ZCCHC7: variants seen among roughly 807,000 people sequenced by gnomAD.
ZCCHC7 encodes the protein zinc finger CCHC-type containing 7, also known as zinc finger CCHC domain-containing protein 7.
Under a neutral mutation model 52.0 loss-of-function variants are expected in ZCCHC7, and 35 were observed. The observed-to-expected ratio is 0.67, with a 90% CI of 0.51 to 0.89. The LOEUF (loss-of-function observed/expected upper bound fraction) is 0.89. Among genes scored for constraint, ZCCHC7 ranks in the 40% least tolerant of loss-of-function variants. The pLI, the probability that ZCCHC7 is intolerant of heterozygous loss-of-function variation, is 0.00. For missense variants in ZCCHC7, 574 were observed against 649.1 expected (o/e 0.88, Z 1.26); for synonymous variants, 217 against 221.5 (o/e 0.98, Z 0.18).
intron 5 of ZCCHC7, chr9:37,327,438 A>G (rs2118160700): frequency 5.0e-6 from 1 of 199,530 alleles, no homozygotes; most frequent in African/African-American, 2.3e-5. Flanking sequence ...CAAAGTTCAA[A>G]ATGCTGTTTT....
At chr9:37,174,787 A>G (rs1821926768) in intron 2 of ZCCHC7, among the ~76,000 whole-genome samples, 1 of 152,128 alleles carries the variant, frequency 6.6e-6, no homozygotes, top group Admixed American at 6.5e-5. Context: ...ACTTTTACTA[A>G]GTGTCTTGCT....
At chr9:37,304,423 G>A (rs1219517423) in intron 4 of ZCCHC7, 110 bp downstream of exon 4, 4 of 1,320,770 alleles carry the variant, frequency 3.0e-6, no homozygotes, top group Non-Finnish European at 4.2e-6. Flanking sequence ...GGAAGCCGAG[G>A]CAGGTGGATC....
intron 6 of ZCCHC7, among the ~76,000 whole-genome samples, chr9:37,329,766 C>T (rs1257248376): frequency 2.0e-5 from 3 of 151,796 alleles, no homozygotes; most frequent in Non-Finnish European, 4.4e-5. Flanking sequence ...TTTTACTAGG[C>T]GATGGACTGC....
rs1238654882 is a variant in ZCCHC7, at chr9:37,357,256, A to G, written c.1620A>G (p.Lys540=). 2 of 1,593,208 alleles carry G rather than the reference A, an allele frequency of 1.3e-6. No individual in the cohort carries two copies. Among genetic ancestry groups the G allele is most frequent in the East Asian group, 4.5e-5 (2 of 44,760 alleles). ...NDNLFLIKQR[K]KKS Reference sequence around the variant, plus strand: ...ACTTATTTCTTATTAAGCAGAGAAAAAAAAAGTCTTAAGCCGTCAGGCAGC... The same window carrying G: ...ACTTATTTCTTATTAAGCAGAGAAAGAAAAAGTCTTAAGCCGTCAGGCAGC... Residue 540 remains lysine (K), a synonymous_variant, in exon 9 of 9, where the codon AAA becomes AAG. Transcript: ENST00000336755.
At chr9:37,264,722 TA>T (rs1276795177) in intron 2 of ZCCHC7, among the ~76,000 whole-genome samples, 1 of 152,238 alleles carries the variant, frequency 6.6e-6, no homozygotes, top group Non-Finnish European at 1.5e-5. Context: ...CACCATAAAT[TA>T]CAAGCAGTAA....
chr9:37,124,684 C>T (rs1842465974), intron 1 of ZCCHC7, among the ~76,000 whole-genome samples: 1 of 152,114 alleles, frequency 6.6e-6, no homozygotes, highest in Admixed American at 6.5e-5. Context: ...TGATTTTGAG[C>T]TGAGTTTAAA....
chr9:37,294,996 C>T (rs1362191829), intron 2 of ZCCHC7, among the ~76,000 whole-genome samples: 1 of 152,150 alleles, frequency 6.6e-6, no homozygotes, highest in East Asian at 1.9e-4. Context: ...TTAATTAATT[C>T]AGTAAATATG....
intron 2 of ZCCHC7, among the ~76,000 whole-genome samples, chr9:37,172,441 T>C (rs576057887): frequency 6.6e-6 from 1 of 152,370 alleles, no homozygotes; most frequent in South Asian, 2.1e-4. Context: ...TAGAAGGGAA[T>C]GTCATCTGGT....
intron 2 of ZCCHC7, among the ~76,000 whole-genome samples, chr9:37,264,002 C>T (rs1024814277): frequency 3.3e-5 from 5 of 152,296 alleles, no homozygotes; most frequent in Non-Finnish European, 5.9e-5. Context: ...CATGGATAAA[C>T]GAGTGCCCAA....
At chr9:37,197,712 A>C (rs1588465137) in intron 2 of ZCCHC7, among the ~76,000 whole-genome samples, 1 of 152,204 alleles carries the variant, frequency 6.6e-6, no homozygotes, top group Non-Finnish European at 1.5e-5. Context: ...CTGTTTCGAA[A>C]GTCAAAACAG....
chr9:37,138,151 T>C (rs572466557), intron 2 of ZCCHC7, among the ~76,000 whole-genome samples: 3 of 152,344 alleles, frequency 2.0e-5, no homozygotes, highest in African/African-American at 7.2e-5. Context: ...GGGCATCTTT[T>C]TATTTAATTT....
At chr9:37,150,908 TC>T (rs1255314930) in intron 2 of ZCCHC7, among the ~76,000 whole-genome samples, 2 of 152,080 alleles carry the variant, frequency 1.3e-5, no homozygotes, top group East Asian at 3.9e-4. Flanking sequence ...TTTCTGTGAA[TC>T]TCTGTAGCAT....
chr9:37,238,492 G>T (rs577194202), intron 2 of ZCCHC7, among the ~76,000 whole-genome samples: 72 of 152,106 alleles, frequency 4.7e-4, no homozygotes, highest in Middle Eastern at 3.4e-3. Flanking sequence ...ATTCTTTGAG[G>T]AGAATAGAAA....
chr9:37,152,758 G>A (rs1025921731), intron 2 of ZCCHC7, among the ~76,000 whole-genome samples: 3 of 152,164 alleles, frequency 2.0e-5, no homozygotes, highest in African/African-American at 7.2e-5. Context: ...CCTTGCTGAG[G>A]TCGTGTTTGT....
intron 2 of ZCCHC7, among the ~76,000 whole-genome samples, chr9:37,133,562 T>A (rs1842880058): frequency 1.3e-5 from 2 of 151,756 alleles, no homozygotes; most frequent in Admixed American, 1.3e-4. Flanking sequence ...TTTTATTTTT[T>A]ATTTTTTTAA....
chr9:37,185,905 A>ATC (rs1429133771), intron 2 of ZCCHC7, among the ~76,000 whole-genome samples: 1 of 152,138 alleles, frequency 6.6e-6, no homozygotes, highest in Non-Finnish European at 1.5e-5. Flanking sequence ...TATCAGGAAT[A>ATC]TCTGTTCATT....
chr9:37,135,708 A>G (rs1193672025), intron 2 of ZCCHC7, among the ~76,000 whole-genome samples: 4 of 152,252 alleles, frequency 2.6e-5, no homozygotes, highest in Non-Finnish European at 4.4e-5. Flanking sequence ...AGCTCTTTAC[A>G]TAGTATTATT....
intron 5 of ZCCHC7, among the ~76,000 whole-genome samples, chr9:37,320,429 C>A (rs981081158): frequency 2.4e-4 from 36 of 152,162 alleles, no homozygotes; most frequent in African/African-American, 8.4e-4. Flanking sequence ...TTCCTTTCCC[C>A]CTTCATGTAA....
chr9:37,148,781 A>G (rs543302334), intron 2 of ZCCHC7, among the ~76,000 whole-genome samples: 67 of 152,198 alleles, frequency 4.4e-4, no homozygotes, highest in African/African-American at 1.6e-3. Flanking sequence ...ATTTCATGTT[A>G]CTTTGCACTG....
Sources: gnomAD v4.1 joint callset for allele counts (sites outside exome capture counted in the v4.1 genomes callset) on GRCh38, gnomAD v4.1.1 for gene constraint, MANE v1.5 for transcripts, NCBI Gene and HGNC (gene_info 2026-07-23, HGNC 2026-07-21) for gene names.